PLB1: variants seen among roughly 807,000 people sequenced by gnomAD.
PLB1 encodes the protein phospholipase B1, membrane-associated.
Under a neutral mutation model 227.4 loss-of-function variants are expected in PLB1, and 242 were observed. The observed-to-expected ratio is 1.06, with a 90% CI of 0.96 to 1.18. The LOEUF is 1.18. Ranked by LOEUF, PLB1 falls within the 50% of genes most tolerant of loss-of-function variation. The pLI, the probability that PLB1 is intolerant of heterozygous loss-of-function variation, is 0.00. For synonymous variants in PLB1, 757 were observed against 682.2 expected, an observed-to-expected ratio of 1.11 and a Z score of -1.71; for missense variants, 1,858 against 1,816.3, an observed-to-expected ratio of 1.02 and a Z score of -0.42.
At chr2:28,630,777 A>C in intron 54 of PLB1, 113 bp downstream of exon 54, 1 of 784,166 alleles carries the variant, frequency 1.3e-6, no homozygotes, top group Middle Eastern at 2.4e-4. Flanking sequence ...ACTCCCTAAA[A>C]GCAGATTGCA....
At chr2:28,524,870 CAG>C in intron 4 of PLB1, among the ~76,000 whole-genome samples, 1 of 112,406 alleles carries the variant, frequency 8.9e-6, no homozygotes, top group African/African-American at 3.9e-5. Flanking sequence ...TTTTTTGAGA[CAG>C]TGTCTCATTC....
chr2:28,561,466 G>A (rs1396117093), intron 17 of PLB1, among the ~76,000 whole-genome samples: 2 of 152,074 alleles, frequency 1.3e-5, no homozygotes, highest in Non-Finnish European at 1.5e-5. Flanking sequence ...ACAAACACTC[G>A]TACACAGATA....
At chr2:28,630,790 C>A in intron 54 of PLB1, 126 bp downstream of exon 54, 1 of 704,036 alleles carries the variant, frequency 1.4e-6, no homozygotes, top group South Asian at 2.1e-5. Flanking sequence ...AGATTGCAGC[C>A]CCTGAAATAC....
intron 14 of PLB1, among the ~76,000 whole-genome samples, chr2:28,545,563 G>C (rs1009190171): frequency 6.6e-6 from 1 of 152,166 alleles, no homozygotes; most frequent in African/African-American, 2.4e-5. Context: ...CAAGTCACAC[G>C]GTCTTTCGGG....
intron 33 of PLB1, among the ~76,000 whole-genome samples, 181 bp from the exon 34 acceptor site, chr2:28,597,824 C>A (rs779478032): frequency 3.3e-5 from 5 of 152,102 alleles, no homozygotes; most frequent in Non-Finnish European, 7.4e-5. Context: ...CGGTAGGGAA[C>A]CAATATGTTA....
intron 43 of PLB1, among the ~76,000 whole-genome samples, chr2:28,610,677 C>A (rs1685317418): frequency 6.7e-6 from 1 of 149,866 alleles, no homozygotes; most frequent in Non-Finnish European, 1.5e-5. Flanking sequence ...ATCCAACCAG[C>A]ACAACCAGCG....
At chr2:28,569,879 T>C (rs1227098557) in intron 20 of PLB1, among the ~76,000 whole-genome samples, 2 of 146,402 alleles carry the variant, frequency 1.4e-5, no homozygotes, top group African/African-American at 5.1e-5. Flanking sequence ...GGCAGGAGAA[T>C]GGCATGAACC....
chr2:28,605,595 A>T (rs2148305660), intron 41 of PLB1, among the ~76,000 whole-genome samples: 1 of 152,324 alleles, frequency 6.6e-6, no homozygotes, highest in East Asian at 1.9e-4. Context: ...GTGCCCAAAA[A>T]TAAATACGAC....
At chr2:28,519,126 A>G (rs943246892) in intron 3 of PLB1, among the ~76,000 whole-genome samples, 15 of 152,234 alleles carry the variant, frequency 9.9e-5, no homozygotes, top group African/African-American at 3.6e-4. Context: ...TAACGTGACC[A>G]GGGAGTATGA....
In PLB1 at chr2:28,579,716, C is replaced by G; in HGVS notation, c.1566+9C>G. On this transcript the variant is annotated intron_variant, in intron 23 of 57. Coordinates refer to ENST00000327757, the MANE Select transcript of PLB1 (RefSeq NM_153021.5). ...ATTTCTGCAATGATCTGGTAGGTCT[C>G]CAGGCACTTTACTCAAGACTCACCC... The G allele has an allele frequency of 6.2e-7, 1 of 1,608,398 alleles. No homozygotes were observed. The highest frequency in any genetic ancestry group is 1.7e-4 in the Middle Eastern group (1 of 6,044).
chr2:28,537,995 C>T (rs1315233721), intron 9 of PLB1, among the ~76,000 whole-genome samples: 1 of 152,190 alleles, frequency 6.6e-6, no homozygotes, highest in East Asian at 1.9e-4. Context: ...AGTCTCCTGT[C>T]CCTCAGTGTG....
In PLB1 at chr2:28,525,954, T is replaced by C. The variant is rs1670191219; in HGVS notation, c.325+9T>C. 4 of 1,613,820 alleles carry C rather than the reference T, an allele frequency of 2.5e-6. No individual in the cohort carries two copies. The highest frequency in any genetic ancestry group is 1.3e-5 in the African/African-American group (1 of 74,854). ...CATGGGAGTGATGACAGGTGAGTTG[T>C]GGTTTTCACGGCCAGATTTCAGAGT... On this transcript the variant is annotated intron_variant, in intron 6 of 57. Coordinates refer to ENST00000327757, the MANE Select transcript of PLB1 (RefSeq NM_153021.5).
intron 21 of PLB1, among the ~76,000 whole-genome samples, chr2:28,575,656 C>T (rs561602338): frequency 2.6e-5 from 4 of 152,264 alleles, no homozygotes; most frequent in South Asian, 2.1e-4. Context: ...CTGCAACCTC[C>T]GCCTCCCAGG....
At chr2:28,604,136 A>C in intron 40 of PLB1, 89 bp downstream of exon 40, 1 of 1,287,486 alleles carries the variant, frequency 7.8e-7, no homozygotes. Context: ...GCACACAGGG[A>C]AGGAAAAGCT....
intron 49 of PLB1, among the ~76,000 whole-genome samples, chr2:28,621,440 C>T (rs1049125588): frequency 6.6e-6 from 1 of 152,230 alleles, no homozygotes; most frequent in Non-Finnish European, 1.5e-5. Flanking sequence ...CACCTCACTT[C>T]AGTCTTTGGC....
chr2:28,599,770 C>T (rs1003758205), intron 35 of PLB1, among the ~76,000 whole-genome samples: 3 of 152,118 alleles, frequency 2.0e-5, no homozygotes, highest in Admixed American at 6.6e-5. Context: ...CTTCTACCAT[C>T]ACGCCCAGCT....
intron 9 of PLB1, among the ~76,000 whole-genome samples, chr2:28,536,230 CAG>C (rs1192800573): frequency 2.0e-5 from 3 of 152,174 alleles, no homozygotes; most frequent in African/African-American, 7.2e-5. Context: ...TGACCAAAGT[CAG>C]AGAGTCAAGT....
At chr2:28,500,039 G>A (rs986380569) in intron 1 of PLB1, among the ~76,000 whole-genome samples, 6 of 152,070 alleles carry the variant, frequency 3.9e-5, no homozygotes, top group Non-Finnish European at 8.8e-5. Context: ...TTCATCTAAT[G>A]CTTTTTCCGT....
chr2:28,541,897 C>A, intron 13 of PLB1, 86 bp downstream of exon 13: 1 of 1,083,534 alleles, frequency 9.2e-7, no homozygotes, highest in Non-Finnish European at 1.4e-6. Context: ...CTTTGGGAGG[C>A]CGAGGTGGGT....
Sources: allele counts gnomAD v4.1 joint callset (sites outside exome capture counted in the v4.1 genomes callset), GRCh38; gene constraint gnomAD v4.1.1; transcripts MANE v1.5; gene names NCBI Gene and HGNC (gene_info 2026-07-23, HGNC 2026-07-21).